PDE7B: variants seen among roughly 807,000 people sequenced by gnomAD.
PDE7B encodes 3',5'-cyclic-AMP phosphodiesterase 7B.
In PDE7B, 29 loss-of-function variants were observed where a neutral mutation model predicts 56.2. That is an observed-to-expected ratio of 0.52 (90% CI 0.38 to 0.70). The LOEUF is 0.70. Ranked by LOEUF, PDE7B falls within the 30% of genes least tolerant of loss-of-function variation. The probability of loss-of-function intolerance (pLI) is 0.00; values close to 1 mark genes in which losing one functional copy is unlikely to be tolerated. For synonymous variants in PDE7B, 197 were observed against 196.9 expected, an observed-to-expected ratio of 1.00 and a Z score of 0.00; for missense variants, 490 against 565.0, an observed-to-expected ratio of 0.87 and a Z score of 1.35.
intron 1 of PDE7B, among the ~76,000 whole-genome samples, chr6:135,852,494 A>G (rs779551826): frequency 2.6e-5 from 4 of 152,164 alleles, no homozygotes; most frequent in Non-Finnish European, 5.9e-5. Flanking sequence ...GCAGACTTCA[A>G]GATGAAGAAA....
chr6:135,931,694 T>C (rs1774293763), intron 1 of PDE7B, among the ~76,000 whole-genome samples: 1 of 152,170 alleles, frequency 6.6e-6, no homozygotes, highest in African/African-American at 2.4e-5. Flanking sequence ...TTTTTCAACA[T>C]GAAGAACATA....
chr6:136,082,948 G>A (rs1777230544), intron 2 of PDE7B, among the ~76,000 whole-genome samples: 1 of 152,204 alleles, frequency 6.6e-6, no homozygotes, highest in African/African-American at 2.4e-5. Flanking sequence ...GAAAAGGATG[G>A]CATCAATTAC....
intron 1 of PDE7B, among the ~76,000 whole-genome samples, chr6:135,926,559 C>T (rs1481202448): frequency 2.6e-5 from 4 of 151,912 alleles, no homozygotes; most frequent in East Asian, 1.9e-4. Flanking sequence ...TCCTATACCC[C>T]GGGTATAGGG....
chr6:136,129,232 A>T (rs1014937049), intron 3 of PDE7B, among the ~76,000 whole-genome samples: 5 of 152,178 alleles, frequency 3.3e-5, no homozygotes, highest in African/African-American at 9.7e-5. Flanking sequence ...ATTCCATTTC[A>T]TCACAGTCTG....
intron 2 of PDE7B, among the ~76,000 whole-genome samples, chr6:135,972,907 TG>T (rs1775118411): frequency 6.6e-6 from 1 of 152,182 alleles, no homozygotes; most frequent in Non-Finnish European, 1.5e-5. Flanking sequence ...CCACAATGTT[TG>T]GGGGCTTGTT....
intron 2 of PDE7B, among the ~76,000 whole-genome samples, chr6:135,973,036 T>C (rs532617196): frequency 6.6e-6 from 1 of 152,308 alleles, no homozygotes; most frequent in South Asian, 2.1e-4. Context: ...TATACAGCAT[T>C]ATTGACTACT....
At chr6:136,062,066 C>T (rs934376509) in intron 2 of PDE7B, among the ~76,000 whole-genome samples, 3 of 152,128 alleles carry the variant, frequency 2.0e-5, no homozygotes, top group African/African-American at 2.4e-5. Flanking sequence ...TCTGTGGGAT[C>T]GCCAATGCAT....
intron 2 of PDE7B, among the ~76,000 whole-genome samples, chr6:136,009,688 C>T (rs1775854297): frequency 6.6e-6 from 1 of 152,142 alleles, no homozygotes; most frequent in Admixed American, 6.5e-5. Flanking sequence ...GATTTTGTAT[C>T]CTGAGACTTT....
At position 136,167,861 on chromosome 6, in the gene PDE7B, C is replaced by T. The variant is rs150507370; in HGVS notation, c.712-5936C>T. On this transcript the variant is annotated intron_variant, in intron 8 of 12. Coordinates refer to ENST00000308191, the MANE Select transcript of PDE7B (RefSeq NM_018945.4). ...AGGTCGGCTGCCTACTCATACCTAG[C>T]TTATAATGTAGTAAAAGATAAAGAA... is the stretch of plus-strand genomic sequence containing the variant. Among the ~76,000 whole-genome samples, 567 of 152,242 alleles carry T rather than the reference C, an allele frequency of 3.7e-3. 1 individual carries two copies. Among genetic ancestry groups the T allele is most frequent in the African/African-American group, 0.011 (471 of 41,546 alleles).
At chr6:135,980,529 C>T (rs1775276182) in intron 2 of PDE7B, among the ~76,000 whole-genome samples, 1 of 151,890 alleles carries the variant, frequency 6.6e-6, no homozygotes, top group Admixed American at 6.6e-5. Flanking sequence ...AGAAAATTTT[C>T]ACAACCTACT....
chr6:136,045,510 G>A (rs955515459), intron 2 of PDE7B, among the ~76,000 whole-genome samples: 1 of 152,126 alleles, frequency 6.6e-6, no homozygotes, highest in Non-Finnish European at 1.5e-5. Context: ...TACTTCATCT[G>A]CTGTAACACA....
intron 2 of PDE7B, among the ~76,000 whole-genome samples, chr6:136,062,461 T>C (rs1321478843): frequency 1.3e-5 from 2 of 152,200 alleles, no homozygotes; most frequent in East Asian, 1.9e-4. Context: ...TCAATAGTTT[T>C]GGGAGTACAG....
intron 1 of PDE7B, among the ~76,000 whole-genome samples, chr6:135,911,868 T>G (rs766997579): frequency 2.6e-5 from 4 of 152,200 alleles, no homozygotes; most frequent in African/African-American, 4.8e-5. Context: ...ACTAGAAATA[T>G]TTAGCTGCTA....
At chr6:135,900,104 G>T (rs111862873) in intron 1 of PDE7B, among the ~76,000 whole-genome samples, 5 of 151,528 alleles carry the variant, frequency 3.3e-5, no homozygotes, top group Non-Finnish European at 5.9e-5. Context: ...GTGTGTTCTG[G>T]TTTTTTTAAA....
chr6:135,935,007 A>C (rs1351468219), intron 1 of PDE7B, among the ~76,000 whole-genome samples: 2 of 55,722 alleles, frequency 3.6e-5, no homozygotes, highest in African/African-American at 6.4e-5. Flanking sequence ...GTATATATTT[A>C]TATATAAATA....
chr6:136,143,887 G>T (rs971117648), intron 3 of PDE7B, among the ~76,000 whole-genome samples: 11 of 152,042 alleles, frequency 7.2e-5, no homozygotes, highest in African/African-American at 1.9e-4. Context: ...ATTTCAATTT[G>T]CTACATTTGT....
intron 2 of PDE7B, among the ~76,000 whole-genome samples, chr6:136,064,861 G>A (rs567590677): frequency 6.6e-6 from 1 of 152,148 alleles, no homozygotes; most frequent in African/African-American, 2.4e-5. Flanking sequence ...TCAAAACACT[G>A]TAAGCCCCCC....
At chr6:136,165,828 G>A (rs568795742) in intron 8 of PDE7B, among the ~76,000 whole-genome samples, 6 of 152,240 alleles carry the variant, frequency 3.9e-5, no homozygotes, top group Non-Finnish European at 7.4e-5. Flanking sequence ...TAGTTATAAA[G>A]GAGGCTGAGA....
intron 2 of PDE7B, among the ~76,000 whole-genome samples, chr6:135,988,932 ATCTG>A (rs1327262540): frequency 2.6e-5 from 4 of 152,182 alleles, no homozygotes; most frequent in Non-Finnish European, 4.4e-5. Context: ...AATAAAATCG[ATCTG>A]TCTGTTAATT....
Sources: gnomAD v4.1 joint callset for allele counts (sites outside exome capture counted in the v4.1 genomes callset) on GRCh38, gnomAD v4.1.1 for gene constraint, MANE v1.5 for transcripts, NCBI Gene and HGNC (gene_info 2026-07-23, HGNC 2026-07-21) for gene names.